CREBBP: variants seen among roughly 807,000 people sequenced by gnomAD.
CREBBP encodes the protein CREB binding lysine acetyltransferase.
CREBBP carries 19 observed loss-of-function variants against 265.0 expected under a neutral mutation model. The observed-to-expected ratio is 0.07, with a 90% CI of 0.05 to 0.11. CREBBP has a LOEUF of 0.11. CREBBP is among the 10% of genes least tolerant of loss of function. The pLI, the probability that CREBBP is intolerant of heterozygous loss-of-function variation, is 1.00. For missense variants in CREBBP, 2,525 were observed against 3,219.0 expected (o/e 0.78, Z 5.22); for synonymous variants, 1,457 against 1,223.7 (o/e 1.19, Z -3.98).
intron 3 of CREBBP, 119 bp downstream of exon 3, chr16:3,810,484 T>C (rs2053916415): frequency 8.2e-7 from 1 of 1,219,422 alleles, no homozygotes; most frequent in Non-Finnish European, 1.2e-6. Flanking sequence ...ATCTGGGTTC[T>C]CTTCCTATCA....
intron 5 of CREBBP, among the ~76,000 whole-genome samples, chr16:3,785,740 T>A (rs1450521606): frequency 6.6e-6 from 1 of 152,200 alleles, no homozygotes; most frequent in Non-Finnish European, 1.5e-5. Context: ...CTTAACTTCT[T>A]CCAATGTCAA....
At position 3,850,775 on chromosome 16, in the gene CREBBP, G is replaced by C. The variant is rs766844540; in HGVS notation, c.320C>G (p.Pro107Arg). 17 of 1,614,044 alleles carry C rather than the reference G, an allele frequency of 1.1e-5. No individual in the cohort carries two copies. The highest frequency in any genetic ancestry group is 1.4e-5 in the Non-Finnish European group (17 of 1,180,032). The part of the protein sequence containing the change: ...QGLGGQAQGQ[P>R]NSANMASLSA... ...GAGGCTGGCCATGTTAGCACTGTTCGGCTGCCCTTGAGCCTGGCCACCCAG... is the reference window on the plus strand; with the variant it reads ...GAGGCTGGCCATGTTAGCACTGTTCCGCTGCCCTTGAGCCTGGCCACCCAG... Residue 107 changes from proline (P) to arginine (R), a missense_variant, in exon 2 of 31, where the codon CCG becomes CGG. Coordinates refer to ENST00000262367, the MANE Select transcript of CREBBP (RefSeq NM_004380.3).
intron 3 of CREBBP, among the ~76,000 whole-genome samples, chr16:3,806,568 A>T (rs1466549323): frequency 2.0e-5 from 3 of 152,108 alleles, no homozygotes; most frequent in African/African-American, 7.2e-5. Flanking sequence ...TCTCAGTCTA[A>T]GACGTATCCC....
chr16:3,824,229 A>G (rs1438144763), intron 2 of CREBBP, among the ~76,000 whole-genome samples: 3 of 152,272 alleles, frequency 2.0e-5, no homozygotes, highest in African/African-American at 7.2e-5. Context: ...TGCAAAGGCG[A>G]GCTAAATGGT....
At position 3,727,094 on chromosome 16, in the gene CREBBP, A is replaced by G. The variant is rs1249845834; in HGVS notation, c.*624T>C. On this transcript the variant is annotated 3_prime_UTR_variant, in exon 31 of 31. Coordinates refer to ENST00000262367, the MANE Select transcript of CREBBP (RefSeq NM_004380.3). ...TCAGAGAAACAAAGCAACAATTTCT[A>G]CATCTGCAAGACAAGTTTGGCTTCA... The G allele has an allele frequency of 8.5e-6, 2 of 234,022 alleles. No individual in the cohort carries two copies. Among genetic ancestry groups the G allele is most frequent in the East Asian group, 6.0e-5 (1 of 16,592 alleles). The allele number at this position is 234,022 out of a possible 1,614,324, so 14.5% of individuals were successfully genotyped here. A position where few individuals can be genotyped will look rare whatever the true frequency, so the allele number is the denominator to read the frequency against.
At chr16:3,845,798 G>A (rs2054654424) in intron 2 of CREBBP, among the ~76,000 whole-genome samples, 1 of 150,676 alleles carries the variant, frequency 6.6e-6, no homozygotes, top group Non-Finnish European at 1.5e-5. Context: ...GAGGCAGGCG[G>A]ATCACCTGAG....
At chr16:3,854,295 T>G (rs550247019) in intron 1 of CREBBP, among the ~76,000 whole-genome samples, 1 of 152,266 alleles carries the variant, frequency 6.6e-6, no homozygotes, top group Admixed American at 6.5e-5. Flanking sequence ...GAAATCTCCC[T>G]CCTCTTCTTC....
intron 1 of CREBBP, among the ~76,000 whole-genome samples, chr16:3,852,157 G>GT (rs910861282): frequency 0.19 from 9,498 of 50,926 alleles, 3,523 homozygotes; most frequent in Non-Finnish European, 0.27. Context: ...TCTTAAATTT[G>GT]TTTTTTTTTT....
At chr16:3,750,426 C>T (rs1290841239) in intron 20 of CREBBP, among the ~76,000 whole-genome samples, 1 of 152,184 alleles carries the variant, frequency 6.6e-6, no homozygotes, top group Non-Finnish European at 1.5e-5. Flanking sequence ...TTGGGGAAGT[C>T]ACACTGTGGT....
At chr16:3,855,454 G>A (rs535542030) in intron 1 of CREBBP, among the ~76,000 whole-genome samples, 4 of 151,480 alleles carry the variant, frequency 2.6e-5, no homozygotes, top group African/African-American at 9.8e-5. Flanking sequence ...TAGTAGAGAC[G>A]GGGTTTCGCC....
At chr16:3,796,020 G>A (rs1384994401) in intron 3 of CREBBP, among the ~76,000 whole-genome samples, 1 of 152,114 alleles carries the variant, frequency 6.6e-6, no homozygotes, top group African/African-American at 2.4e-5. Flanking sequence ...GTATTTGGTT[G>A]TTTTTAAGGT....
chr16:3,740,221 G>C (rs1025877236), intron 24 of CREBBP, among the ~76,000 whole-genome samples, 178 bp downstream of exon 24: 1 of 152,228 alleles, frequency 6.6e-6, no homozygotes, highest in Non-Finnish European at 1.5e-5. Flanking sequence ...TTACTGCACT[G>C]TATAGGGTAA....
At chr16:3,836,855 G>A (rs116033233) in intron 2 of CREBBP, among the ~76,000 whole-genome samples, 25 of 152,210 alleles carry the variant, frequency 1.6e-4, no homozygotes, top group Non-Finnish European at 3.4e-4. Flanking sequence ...AATTCCAATG[G>A]CCTAGTGACG....
intron 13 of CREBBP, chr16:3,773,549 A>C (rs1289861042): frequency 1.6e-6 from 1 of 611,692 alleles, no homozygotes; most frequent in Non-Finnish European, 2.8e-6. Context: ...GCATATAGTT[A>C]ACCCAGAAAG....
intron 8 of CREBBP, among the ~76,000 whole-genome samples, chr16:3,779,176 A>AG (rs1402769716): frequency 5.1e-4 from 77 of 150,868 alleles, no homozygotes; most frequent in African/African-American, 1.8e-3. Flanking sequence ...CAAAAAAAGA[A>AG]GAAAAAAAAA....
chr16:3,841,995 T>A (rs567913588), intron 2 of CREBBP, among the ~76,000 whole-genome samples: 1 of 152,198 alleles, frequency 6.6e-6, no homozygotes, highest in East Asian at 1.9e-4. Context: ...GACTGAGTAC[T>A]GGGAGCTGAT....
chr16:3,815,039 T>A (rs576528937), intron 2 of CREBBP, among the ~76,000 whole-genome samples: 1 of 152,218 alleles, frequency 6.6e-6, no homozygotes, highest in Admixed American at 6.5e-5. Context: ...CCTGCAGTTA[T>A]GAATAAAAAC....
In CREBBP at chr16:3,836,159, G is replaced by T. The variant is rs1285122961; in HGVS notation, c.798+14138C>A. Among the ~76,000 whole-genome samples, 2 of 151,934 alleles carry T rather than the reference G, an allele frequency of 1.3e-5. 1 individual carries two copies. Among genetic ancestry groups the T allele is most frequent in the Non-Finnish European group, 2.9e-5 (2 of 67,994 alleles). The stretch of plus-strand genomic sequence containing the variant: ...TCATGGTTACAGAAATTAGCAGCTG[G>T]GCGCGGTGGCTCACACCTGTAATCC... On this transcript the variant is annotated intron_variant, in intron 2 of 30. Transcript: ENST00000262367.
chr16:3,843,231 T>C (rs1214401769), intron 2 of CREBBP, among the ~76,000 whole-genome samples: 1 of 152,150 alleles, frequency 6.6e-6, no homozygotes, highest in Non-Finnish European at 1.5e-5. Context: ...CTCCACTTCT[T>C]AATCTGTAAC....
Sources: gnomAD v4.1 joint callset for allele counts (sites outside exome capture counted in the v4.1 genomes callset) on GRCh38, gnomAD v4.1.1 for gene constraint, MANE v1.5 for transcripts, NCBI Gene and HGNC (gene_info 2026-07-23, HGNC 2026-07-21) for gene names.